The following FERMT3 variants were observed in gnomAD, a reference collection of about 807,000 sequenced individuals.
The protein encoded by FERMT3 is FERM domain containing kindlin 3.
FERMT3 carries 33 observed loss-of-function variants against 80.8 expected under a neutral mutation model. The ratio of observed to expected loss-of-function variants is 0.41; its 90% CI spans 0.31 to 0.55. FERMT3 has a LOEUF of 0.55. Ranked by LOEUF, FERMT3 falls within the 20% of genes least tolerant of loss-of-function variation. The pLI, the probability that FERMT3 is intolerant of heterozygous loss-of-function variation, is 0.31. For missense variants in FERMT3, 754 were observed against 908.7 expected, an observed-to-expected ratio of 0.83 and a Z score of 2.19; for synonymous variants, 375 against 372.2, an observed-to-expected ratio of 1.01 and a Z score of -0.09.
intron 10 of FERMT3, 44 bp downstream of exon 10, chr11:64,220,059 G>C (rs956402727): frequency 6.2e-7 from 1 of 1,610,322 alleles, no homozygotes; most frequent in East Asian, 2.2e-5. Flanking sequence ...ATCCCCACTT[G>C]TGGGCTAGGC....
chr11:64,206,122 C>G (rs1251920429), upstream of FERMT3, among the ~76,000 whole-genome samples: 2 of 152,148 alleles, frequency 1.3e-5, no homozygotes, highest in African/African-American at 2.4e-5. Context: ...GTGTTTGGAG[C>G]TGGGTGACCT....
intron 6 of FERMT3, among the ~76,000 whole-genome samples, chr11:64,213,560 T>TC (rs1366807248): frequency 2.8e-5 from 4 of 145,422 alleles, no homozygotes; most frequent in South Asian, 4.4e-4. Flanking sequence ...GCCTAATTTT[T>TC]TTTTTTTTTT....
At chr11:64,207,321 C>T in intron 1 of FERMT3, 30 bp from the exon 2 acceptor site, 3 of 1,613,910 alleles carry the variant, frequency 1.9e-6, no homozygotes, top group Non-Finnish European at 2.5e-6. Context: ...CAGGGCCTGC[C>T]CACCTTGCCT....
In FERMT3 at chr11:64,211,276, C is replaced by A; in HGVS notation, c.516C>A (p.Gly172=). Reference sequence around the variant, plus strand: ...GTTGACTCCCAACCTGCACTCCAGGCGTGGCACCTGCACTGTTCCGGGGGA... The same window carrying A: ...GTTGACTCCCAACCTGCACTCCAGGAGTGGCACCTGCACTGTTCCGGGGGA... ...YDLSKVVLAG[G]VAPALFRGMP... is the part of the protein sequence containing the mutation. Residue 172 remains glycine (G), a splice_region_variant and synonymous_variant, in exon 5 of 15, where the codon GGC becomes GGA. Coordinates refer to ENST00000345728, the MANE Select transcript of FERMT3 (RefSeq NM_031471.6). The surrounding 1 kb of genome is among the most constrained non-coding windows in gnomAD (Gnocchi z 4.7). The A allele has an allele frequency of 1.2e-6, 2 of 1,613,254 alleles. No individual in the cohort carries two copies. The highest frequency in any genetic ancestry group is 2.2e-5 in the East Asian group (1 of 44,860).
At chr11:64,212,240 A>C (rs1487998023) in intron 6 of FERMT3, among the ~76,000 whole-genome samples, 1 of 152,234 alleles carries the variant, frequency 6.6e-6, no homozygotes, top group Non-Finnish European at 1.5e-5. Context: ...ATTGGCAACC[A>C]ACATGCTCCA....
chr11:64,217,714 A>G (rs2134873205), intron 6 of FERMT3, among the ~76,000 whole-genome samples: 1 of 152,072 alleles, frequency 6.6e-6, no homozygotes, highest in South Asian at 2.1e-4. Flanking sequence ...GGAGCTGGGG[A>G]GGGACCTGCT....
chr11:64,206,282 C>CTTGGTTGATT (rs1717994510), upstream of FERMT3, among the ~76,000 whole-genome samples: 1 of 152,168 alleles, frequency 6.6e-6, no homozygotes, highest in South Asian at 2.1e-4. Context: ...TTGAGGGATC[C>CTTGGTTGATT]TTGGTTGATA....
At position 64,218,979 on chromosome 11, in the gene FERMT3, G is replaced by A. The variant is rs1465195889; in HGVS notation, c.787-272G>A. ...ATTTGACTTATTGATTGGTTTACTC[G>A]GTCTCTCCTGCACCCAGGGCAGCAT... On this transcript the variant is annotated intron_variant, in intron 6 of 14. Coordinates refer to ENST00000345728, the MANE Select transcript of FERMT3 (RefSeq NM_031471.6). 3.9e-5 allele frequency among the ~76,000 whole-genome samples: 6 copies of A among 152,320 alleles called. No individual in the cohort carries two copies. The East Asian group carries it at 9.6e-4, about 24-fold the overall frequency.
chr11:64,219,358 G>A lies in FERMT3; in HGVS notation c.894G>A (p.Gln298=). The change falls in exon 7 of 15, where the codon CAG becomes CAA. Residue 298 remains glutamine (Q), a splice_region_variant and synonymous_variant. Transcript: ENST00000345728. This position sits in a 1 kb window ranked among gnomAD's most constrained non-coding sequence, Gnocchi z 4.0. Reference sequence around the variant, plus strand: ...AGATGATGGTGTTTGCCGCCCTGCAGGTACCAGGCGGGCCTGGGGGCACCA... The same window carrying A: ...AGATGATGGTGTTTGCCGCCCTGCAAGTACCAGGCGGGCCTGGGGGCACCA... ...EEEMMVFAAL[Q]YHINKLSQSG... 6.3e-7 allele frequency: 1 copy of A among 1,592,480 alleles called. No individual in the cohort carries two copies.
rs1329863746 is a variant in FERMT3 at position 64,219,191 on chromosome 11, C to T, written c.787-60C>T. On this transcript the variant is annotated intron_variant, in intron 6 of 14. Coordinates refer to ENST00000345728, the MANE Select transcript of FERMT3 (RefSeq NM_031471.6). The surrounding 1 kb of genome is among the most constrained non-coding windows in gnomAD (Gnocchi z 4.0). ...AGGCTGGCAGGGGCTCAGTGCAGGGCGTCCAGGGCAGCTGGCATCTGACCA... is the reference window on the plus strand; with the variant it reads ...AGGCTGGCAGGGGCTCAGTGCAGGGTGTCCAGGGCAGCTGGCATCTGACCA... 7 of 1,479,996 alleles carry T rather than the reference C, an allele frequency of 4.7e-6. No homozygotes were observed. The highest frequency in any genetic ancestry group is 3.6e-5 in the South Asian group (3 of 82,638). The allele number at this position is 1,479,996 out of a possible 1,614,324, so 91.7% of individuals were successfully genotyped here.
intron 13 of FERMT3, among the ~76,000 whole-genome samples, chr11:64,222,084 C>T (rs1483802068): frequency 6.6e-6 from 1 of 151,054 alleles, no homozygotes; most frequent in African/African-American, 2.4e-5. Flanking sequence ...ACTAAAAATA[C>T]AAAAATTAGC....
Position 64,219,004 on chromosome 11 carries a change from T to G in FERMT3, c.787-247T>G, listed in dbSNP as rs538028680. 1.3e-5 allele frequency among the ~76,000 whole-genome samples: 2 copies of G among 152,338 alleles called. No homozygotes were observed. The highest frequency in any genetic ancestry group is 1.3e-4 in the Admixed American group (2 of 15,304). On this transcript the variant is annotated intron_variant, in intron 6 of 14. Transcript: ENST00000345728. The surrounding 1 kb of genome is among the most constrained non-coding windows in gnomAD (Gnocchi z 4.0). ...GGTCTCTCCTGCACCCAGGGCAGCA[T>G]GCCAGCACACAGTAAACATCAGCAC...
intron 13 of FERMT3, among the ~76,000 whole-genome samples, chr11:64,222,436 G>T (rs1302032034): frequency 1.3e-5 from 2 of 150,298 alleles, no homozygotes; most frequent in Non-Finnish European, 3.0e-5. Context: ...GTGGTGGCAC[G>T]TACCTGTAAT....
In FERMT3 at chr11:64,219,675, G is replaced by C. The variant is rs780115000; in HGVS notation, c.1029+17G>C. 1.9e-6 allele frequency: 3 copies of C among 1,613,738 alleles called. No homozygotes were observed. The highest frequency in any genetic ancestry group is 2.5e-6 in the Non-Finnish European group (3 of 1,179,988). Reference sequence around the variant, plus strand: ...GATGTGCTGGTGAGGAGGGGCTCAGGGCAGGGGCTGGGCAGGGAGAACTGT... The same window carrying C: ...GATGTGCTGGTGAGGAGGGGCTCAGCGCAGGGGCTGGGCAGGGAGAACTGT... On this transcript the variant is annotated intron_variant, in intron 8 of 14. Coordinates refer to ENST00000345728, the MANE Select transcript of FERMT3 (RefSeq NM_031471.6). The surrounding 1 kb of genome is among the most constrained non-coding windows in gnomAD (Gnocchi z 4.0).
chr11:64,210,870 G>A lies in FERMT3; in HGVS notation c.394+26G>A. On this transcript the variant is annotated intron_variant, in intron 3 of 14. Transcript: ENST00000345728. This position sits in a 1 kb window ranked among gnomAD's most constrained non-coding sequence, Gnocchi z 4.3. ...GTAAGTTGCCCGGCTGATTCCCCTG[G>A]CCCACGAGGGTGATGCAAAGAGGCA... 1 of 1,609,672 alleles carries A rather than the reference G, an allele frequency of 6.2e-7. No homozygotes were observed. The highest frequency in any genetic ancestry group is 8.5e-7 in the Non-Finnish European group (1 of 1,179,784).
rs112305883 is a variant in FERMT3, at chr11:64,220,727, C to T, written c.1545+58C>T. On this transcript the variant is annotated intron_variant, in intron 12 of 14. Transcript: ENST00000345728. ...AGTGTTTACCCAGAGACCTCTGACC[C>T]CTGGGTCTCCACAGAGCCTTCCTCA... 40,295 of 1,468,526 alleles carry T rather than the reference C, an allele frequency of 0.027. 674 individuals carry two copies. The highest frequency in any genetic ancestry group is 0.032 in the Middle Eastern group (189 of 5,846). 91.0% of individuals were successfully genotyped at this position (1,468,526 alleles called of 1,614,324 possible). A position where few individuals can be genotyped will look rare whatever the true frequency, so the allele number is the denominator to read the frequency against.
chr11:64,212,766 C>T (rs1946471172), intron 6 of FERMT3, among the ~76,000 whole-genome samples: 1 of 152,084 alleles, frequency 6.6e-6, no homozygotes, highest in Non-Finnish European at 1.5e-5. Context: ...CTCTGGGCCT[C>T]TGCTCTCTCC....
In FERMT3 at chr11:64,211,215, C is replaced by A. The variant is rs763805006; in HGVS notation, c.514+44C>A. The A allele has an allele frequency of 1.6e-5, 26 of 1,596,940 alleles. No homozygotes were observed. The highest frequency in any genetic ancestry group is 2.1e-5 in the Non-Finnish European group (25 of 1,172,900). ...GGGCCTGGGGGGTTGGGGGCAGGGG[C>A]CGGCCCGTGAGTCCCAGCCCTGGGG... is the stretch of plus-strand genomic sequence containing the variant. On this transcript the variant is annotated intron_variant, in intron 4 of 14. Coordinates refer to ENST00000345728, the MANE Select transcript of FERMT3 (RefSeq NM_031471.6). The surrounding 1 kb of genome is among the most constrained non-coding windows in gnomAD (Gnocchi z 4.7).
chr11:64,205,924 G>T (rs1011219), upstream of FERMT3, among the ~76,000 whole-genome samples: 15 of 152,180 alleles, frequency 9.9e-5, no homozygotes, highest in Admixed American at 4.6e-4. Context: ...TGGAAAGGCC[G>T]CTGTCCTGCG....
Sources: allele counts gnomAD v4.1 joint callset (sites outside exome capture counted in the v4.1 genomes callset), GRCh38; gene constraint gnomAD v4.1.1; non-coding constraint Gnocchi (gnomAD v3.1); transcripts MANE v1.5; gene names NCBI Gene and HGNC (gene_info 2026-07-23, HGNC 2026-07-21).